Variants in LRP1B observed in about 807,000 individuals in gnomAD.
The protein encoded by LRP1B is low-density lipoprotein receptor-related protein 1B.
Under a neutral mutation model 556.6 loss-of-function variants are expected in LRP1B, and 217 were observed. The observed-to-expected ratio is 0.39, with a 90% CI of 0.35 to 0.44. The LOEUF is 0.44. LRP1B is among the 20% of genes least tolerant of loss of function. The pLI, the probability that LRP1B is intolerant of heterozygous loss-of-function variation, is 1.00. For missense variants in LRP1B, 5,053 were observed against 5,620.8 expected, an observed-to-expected ratio of 0.90 and a Z score of 3.23; for synonymous variants, 2,047 against 1,865.8, an observed-to-expected ratio of 1.10 and a Z score of -2.50.
At chr2:142,035,205 G>C (rs1190536173) in intron 1 of LRP1B, among the ~76,000 whole-genome samples, 2 of 151,650 alleles carry the variant, frequency 1.3e-5, no homozygotes, top group Non-Finnish European at 3.0e-5. Flanking sequence ...ATGCTGAGTT[G>C]AAAACAGCTT....
intron 3 of LRP1B, among the ~76,000 whole-genome samples, chr2:141,415,871 T>C (rs1046876308): frequency 1.3e-5 from 2 of 152,186 alleles, no homozygotes; most frequent in African/African-American, 4.8e-5. Context: ...ACTATTAACA[T>C]CTTAGAAATC....
chr2:140,844,920 T>G (rs1692228685), intron 29 of LRP1B, among the ~76,000 whole-genome samples: 1 of 152,154 alleles, frequency 6.6e-6, no homozygotes, highest in Non-Finnish European at 1.5e-5. Flanking sequence ...GTGCTGAGAA[T>G]TGAGAGCTTC....
At chr2:141,385,925 AT>A (rs533314525) in intron 3 of LRP1B, among the ~76,000 whole-genome samples, 118 of 152,216 alleles carry the variant, frequency 7.8e-4, no homozygotes, top group African/African-American at 2.6e-3. Context: ...ATGGCATGTC[AT>A]TTTTTTACTG....
At chr2:140,632,059 C>T (rs1173788647) in intron 41 of LRP1B, among the ~76,000 whole-genome samples, 2 of 152,046 alleles carry the variant, frequency 1.3e-5, no homozygotes, top group Non-Finnish European at 2.9e-5. Context: ...CACTATATTA[C>T]TCAAAATTGA....
intron 1 of LRP1B, among the ~76,000 whole-genome samples, chr2:141,823,609 G>A (rs1174587744): frequency 2.0e-5 from 3 of 152,160 alleles, no homozygotes; most frequent in African/African-American, 7.2e-5. Flanking sequence ...GGGAAACATG[G>A]CATGTTAAGA....
intron 23 of LRP1B, among the ~76,000 whole-genome samples, chr2:140,893,272 C>T (rs1189992589): frequency 1.3e-5 from 2 of 152,280 alleles, no homozygotes; most frequent in Middle Eastern, 3.4e-3. Flanking sequence ...TCATTTGCTG[C>T]AAAATGTTCA....
At chr2:140,334,423 T>A in intron 79 of LRP1B, 30 bp downstream of exon 79, 1 of 1,334,534 alleles carries the variant, frequency 7.5e-7, no homozygotes, top group Non-Finnish European at 1.1e-6. Flanking sequence ...TCATTCTGCT[T>A]CATATTTTAG....
chr2:140,664,108 C>A (rs753394865), intron 41 of LRP1B, among the ~76,000 whole-genome samples: 1 of 152,014 alleles, frequency 6.6e-6, no homozygotes, highest in African/African-American at 2.4e-5. Context: ...GTTTGTGGTG[C>A]CTCAAAATGG....
At chr2:140,359,057 A>C in intron 72 of LRP1B, 111 bp from the exon 73 acceptor site, 1 of 1,109,352 alleles carries the variant, frequency 9.0e-7, no homozygotes, top group Non-Finnish European at 1.2e-6. Flanking sequence ...GCTTTTCTAA[A>C]TATCTTTTTT....
At chr2:140,266,125 G>A (rs1338994761) in intron 86 of LRP1B, among the ~76,000 whole-genome samples, 2 of 151,372 alleles carry the variant, frequency 1.3e-5, no homozygotes, top group African/African-American at 2.4e-5. Flanking sequence ...TTTTCCTCTA[G>A]ATCCTACTTA....
At chr2:141,103,259 T>C (rs114230388) in intron 7 of LRP1B, among the ~76,000 whole-genome samples, 1,745 of 152,234 alleles carry the variant, frequency 0.011, 18 homozygotes, top group Non-Finnish European at 0.021. Context: ...CAGAGTGCAG[T>C]AGCATTCTTA....
intron 77 of LRP1B, among the ~76,000 whole-genome samples, chr2:140,341,017 G>A (rs1230856219): frequency 6.6e-6 from 1 of 151,614 alleles, no homozygotes; most frequent in Non-Finnish European, 1.5e-5. Context: ...GAAAAGTTAA[G>A]AGAAGCAAAT....
chr2:141,805,670 A>G (rs1008297714), intron 2 of LRP1B: 1 of 152,138 alleles, frequency 6.6e-6, no homozygotes, highest in African/African-American at 2.4e-5. Context: ...CTGCTGGCCA[A>G]ATCTGACCTG....
intron 2 of LRP1B, among the ~76,000 whole-genome samples, chr2:141,544,591 C>T (rs1044557415): frequency 2.6e-5 from 4 of 151,070 alleles, no homozygotes; most frequent in East Asian, 4.0e-4. Context: ...AGAAGTTTAC[C>T]GCTCTTATAA....
At chr2:141,861,744 A>G (rs1698245857) in intron 1 of LRP1B, among the ~76,000 whole-genome samples, 5 of 152,190 alleles carry the variant, frequency 3.3e-5, no homozygotes, top group Admixed American at 3.3e-4. Context: ...AGCCTGGCCA[A>G]CATGGTGAAT....
intron 7 of LRP1B, among the ~76,000 whole-genome samples, chr2:141,095,491 ATTTTT>A (rs35611430): frequency 6.7e-6 from 1 of 148,266 alleles, no homozygotes. Flanking sequence ...CTAGAATTTA[ATTTTT>A]TTTTTTCTAG....
intron 2 of LRP1B, among the ~76,000 whole-genome samples, chr2:141,710,340 T>G (rs953693167): frequency 6.6e-6 from 1 of 152,168 alleles, no homozygotes; most frequent in Non-Finnish European, 1.5e-5. Context: ...GATTTTTTTT[T>G]GTTGGGAAAA....
intron 42 of LRP1B, 132 bp from the exon 43 acceptor site, chr2:140,598,967 G>A (rs1682549606): frequency 1.6e-6 from 1 of 639,716 alleles, no homozygotes; most frequent in African/African-American, 1.8e-5. Flanking sequence ...CTTTAACAAA[G>A]TCTAGGTAAT....
intron 3 of LRP1B, among the ~76,000 whole-genome samples, chr2:141,324,049 CA>C (rs1687349070): frequency 1.4e-5 from 2 of 147,750 alleles, no homozygotes; most frequent in Non-Finnish European, 1.5e-5. Flanking sequence ...CACACACACA[CA>C]CACACACACC....
Sources: allele counts gnomAD v4.1 joint callset (sites outside exome capture counted in the v4.1 genomes callset), GRCh38; gene constraint gnomAD v4.1.1; transcripts MANE v1.5; gene names NCBI Gene and HGNC (gene_info 2026-07-23, HGNC 2026-07-21).